The following AVEN variants were observed in gnomAD, a reference collection of about 807,000 sequenced individuals.
AVEN encodes cell death regulator Aven.
Under a neutral mutation model 38.1 loss-of-function variants are expected in AVEN, and 41 were observed. That is an observed-to-expected ratio of 1.08 (90% CI 0.84 to 1.40). The LOEUF (loss-of-function observed/expected upper bound fraction) is 1.40, where lower values mean the gene tolerates loss of function less well. Ranked by LOEUF, AVEN falls within the 40% of genes most tolerant of loss-of-function variation. AVEN has a pLI of 0.00. For synonymous variants in AVEN, 206 were observed against 171.8 expected (o/e 1.20, Z -1.56); for missense variants, 605 against 438.8 (o/e 1.38, Z -3.38).
At chr15:33,861,178 T>C in intron 11 of AVEN, 1 of 1,580,238 alleles carries the variant, frequency 6.3e-7, no homozygotes, top group Non-Finnish European at 8.6e-7. Flanking sequence ...GCCAACTACT[T>C]GTGAGTATTC....
chr15:33,894,300 G>A (rs903549178), intron 2 of AVEN, among the ~76,000 whole-genome samples: 3 of 151,978 alleles, frequency 2.0e-5, no homozygotes, highest in African/African-American at 7.3e-5. Flanking sequence ...GCAGAACCAG[G>A]AAGGAGCCAC....
downstream of AVEN, among the ~76,000 whole-genome samples, chr15:33,854,051 C>G (rs915809634): frequency 9.9e-5 from 15 of 151,982 alleles, no homozygotes; most frequent in Admixed American, 9.8e-4. Context: ...TAAAAAGTAG[C>G]TAGGCGTGGT....
chr15:33,891,802 C>T (rs1193464519), intron 2 of AVEN, among the ~76,000 whole-genome samples: 1 of 152,170 alleles, frequency 6.6e-6, no homozygotes, highest in African/African-American at 2.4e-5. Context: ...GAGGAATCAC[C>T]ACACTGTCTT....
chr15:34,046,671 G>T (rs759942567), intron 5 of AVEN: 1 of 152,214 alleles, frequency 6.6e-6, no homozygotes, highest in African/African-American at 2.4e-5. Context: ...TAGAAGCAGC[G>T]GCAGCCCGCA....
At chr15:33,903,786 T>C (rs1223425516) in intron 2 of AVEN, among the ~76,000 whole-genome samples, 2 of 151,388 alleles carry the variant, frequency 1.3e-5, no homozygotes, top group Non-Finnish European at 2.9e-5. Flanking sequence ...ATGCATCACA[T>C]AACAATAGGG....
At chr15:33,866,750 T>TAAC in intron 5 of AVEN, 22 bp from the exon 6 acceptor site, 1 of 1,549,474 alleles carries the variant, frequency 6.5e-7, no homozygotes, top group Non-Finnish European at 8.9e-7. Flanking sequence ...AAAACAATGT[T>TAAC]AACACCCTCA....
chr15:34,039,099 G>A lies in AVEN; in HGVS notation c.-53C>T, dbSNP rs1410920363. ...GCGGGAGCCGAGCTGCGGCGGAGAC[G>A]CCCTGGCCCCACCGGAAGCGGGCCG... On this transcript the variant is annotated 5_prime_UTR_variant, in exon 1 of 6. Transcript: ENST00000306730. 4 of 1,066,362 alleles carry A rather than the reference G, an allele frequency of 3.8e-6. No individual in the cohort carries two copies. The highest frequency in any genetic ancestry group is 3.4e-5 in the African/African-American group (2 of 58,762). 66.1% of individuals were successfully genotyped at this position (1,066,362 alleles called of 1,614,324 possible). A position where few individuals can be genotyped will look rare whatever the true frequency, so the allele number is the denominator to read the frequency against.
intron 2 of AVEN, among the ~76,000 whole-genome samples, chr15:33,889,626 C>T (rs978501348): frequency 6.6e-6 from 1 of 152,072 alleles, no homozygotes; most frequent in African/African-American, 2.4e-5. Context: ...CTTGCCTTCT[C>T]ATCTCATTAG....
chr15:33,981,714 T>C (rs1474566005), intron 2 of AVEN, among the ~76,000 whole-genome samples: 1 of 152,228 alleles, frequency 6.6e-6, no homozygotes, highest in Admixed American at 6.5e-5. Flanking sequence ...TTACCTAACT[T>C]CTTTGAGCTT....
downstream of AVEN, chr15:33,854,290 T>A: frequency 1.2e-6 from 1 of 868,012 alleles, no homozygotes. Context: ...CATATTTAGG[T>A]TATTAAACCT....
chr15:33,899,420 T>C (rs963365175), intron 2 of AVEN, among the ~76,000 whole-genome samples: 2 of 151,290 alleles, frequency 1.3e-5, no homozygotes, highest in African/African-American at 4.9e-5. Context: ...AAATGCAACA[T>C]TGATTCAAAG....
chr15:34,045,234 G>C (rs1899642962), intron 5 of AVEN, among the ~76,000 whole-genome samples: 1 of 152,070 alleles, frequency 6.6e-6, no homozygotes, highest in South Asian at 2.1e-4. Flanking sequence ...ACAGCAGCTG[G>C]CACACTAGTG....
chr15:34,042,337 G>A (rs115030212), upstream of AVEN, among the ~76,000 whole-genome samples: 2,118 of 151,512 alleles, frequency 0.014, 60 homozygotes, highest in African/African-American at 0.048. Context: ...AATTATATAG[G>A]TAGCTCCTTA....
rs61729120 is a variant in AVEN at position 33,867,768 on chromosome 15, C to T, written c.700G>A (p.Gly234Arg). 5 of 1,614,014 alleles carry T rather than the reference C, an allele frequency of 3.1e-6. No homozygotes were observed. Among genetic ancestry groups the T allele is most frequent in the Non-Finnish European group, 4.2e-6 (5 of 1,180,020 alleles). ...AAGATGGGCCCCCTTCCTCCAGGCC[C>T]CAAGGGCCCCTTTAACTGCATCCCT... is the stretch of plus-strand genomic sequence containing the variant. Reference protein sequence around the residue: ...GLGMQLKGPLGPGGRGPIFEL... With the variant: ...GLGMQLKGPLRPGGRGPIFEL... Residue 234 changes from glycine to arginine, a missense_variant, in exon 5 of 6, where the codon GGG becomes AGG. Transcript: ENST00000306730.
intron 2 of AVEN, among the ~76,000 whole-genome samples, chr15:33,964,648 T>A (rs544099075): frequency 5.9e-5 from 9 of 152,202 alleles, no homozygotes; most frequent in East Asian, 5.8e-4. Flanking sequence ...TAAAAAAAAA[T>A]TTAATAGAAC....
chr15:34,069,212 G>A (rs1327342181), intron 2 of AVEN, among the ~76,000 whole-genome samples: 1 of 152,006 alleles, frequency 6.6e-6, no homozygotes, highest in African/African-American at 2.4e-5. Flanking sequence ...ACGATGTCAG[G>A]AGTTTGAGAC....
intron 4 of AVEN, 103 bp downstream of exon 4, chr15:33,870,832 T>C: frequency 1.3e-6 from 1 of 761,104 alleles, no homozygotes; most frequent in South Asian, 3.2e-5. Context: ...CTCACTTTTA[T>C]AAAGGGAAGC....
At chr15:34,029,972 A>G (rs1898693289) in intron 1 of AVEN, among the ~76,000 whole-genome samples, 1 of 152,106 alleles carries the variant, frequency 6.6e-6, no homozygotes, top group African/African-American at 2.4e-5. Context: ...ATAAATTCCA[A>G]GCCGAGCATG....
At chr15:33,975,524 T>G (rs1011991070) in intron 2 of AVEN, among the ~76,000 whole-genome samples, 1 of 152,168 alleles carries the variant, frequency 6.6e-6, no homozygotes, top group Admixed American at 6.5e-5. Flanking sequence ...GTAACTAAAA[T>G]TAACAAAATC....
Sources: gnomAD v4.1 joint callset for allele counts (sites outside exome capture counted in the v4.1 genomes callset) on GRCh38, gnomAD v4.1.1 for gene constraint, MANE v1.5 for transcripts, NCBI Gene and HGNC (gene_info 2026-07-23, HGNC 2026-07-21) for gene names.